Variants in FGF14 observed in about 807,000 individuals in gnomAD.
FGF14 encodes fibroblast growth factor homologous factor 4.
A neutral mutation model predicts 25.5 loss-of-function variants in FGF14; 5 were observed. That is an observed-to-expected ratio of 0.20 (90% confidence interval 0.10 to 0.41). FGF14 has a LOEUF of 0.41. Among genes scored for constraint, FGF14 ranks in the 10% least tolerant of loss-of-function variants. The pLI is 1.00. For synonymous variants in FGF14, 138 were observed against 118.3 expected, an observed-to-expected ratio of 1.17 and a Z score of -1.08; for missense variants, 222 against 320.1, an observed-to-expected ratio of 0.69 and a Z score of 2.34.
chr13:101,745,988 G>T (rs2036863572), intron 3 of FGF14, among the ~76,000 whole-genome samples: 3 of 152,026 alleles, frequency 2.0e-5, no homozygotes, highest in Non-Finnish European at 4.4e-5. Flanking sequence ...GTGATAGAAA[G>T]AAAGAACAGA....
Position 101,916,663 on chromosome 13 carries a change from G to A in FGF14, c.-18C>T, listed in dbSNP as rs777084679. On this transcript the variant is annotated 5_prime_UTR_variant, in exon 1 of 5. Transcript: ENST00000376143. ...GCGGCCATGGTGGCCCCGGGAACGG[G>A]TCCGGGGAGGGAGGGCGCGGGAGGA... is the stretch of plus-strand genomic sequence containing the variant. The A allele has an allele frequency of 2.6e-6, 4 of 1,516,328 alleles. No individual in the cohort carries two copies. In the South Asian group the frequency reaches 5.1e-5, roughly 19 times the overall value. The allele number at this position is 1,516,328 out of a possible 1,614,324, so 93.9% of individuals were successfully genotyped here. A position where few individuals can be genotyped will look rare whatever the true frequency, so the allele number is the denominator to read the frequency against.
chr13:102,365,060 T>C lies in FGF14; in HGVS notation c.208+36411A>G, dbSNP rs192969709. Among the ~76,000 whole-genome samples, 326 of 152,294 alleles carry C rather than the reference T, an allele frequency of 2.1e-3. 1 individual carries two copies. The highest frequency in any genetic ancestry group is 3.8e-3 in the Non-Finnish European group (256 of 68,020). The stretch of plus-strand genomic sequence containing the variant: ...TCTTTACACCACTAGGTTTCTCCAT[T>C]GTGGGAATGTAATTTTCCATGATCT... On this transcript the variant is annotated intron_variant, in intron 1 of 4. Coordinates refer to the FGF14 transcript ENST00000376131.
chr13:101,720,730 T>TAA lies in FGF14; in HGVS notation c.*2099_*2100dup, dbSNP rs2034919764. 6.7e-6 allele frequency: 1 copy of TAA among 149,806 alleles called. No homozygotes were observed. The allele number at this position is 149,806 out of a possible 1,614,324, so 9.3% of individuals were successfully genotyped here. A position where few individuals can be genotyped will look rare whatever the true frequency, so the allele number is the denominator to read the frequency against. The stretch of plus-strand genomic sequence containing the variant: ...TTAATGGAAGTTATCTAATATATTT[T>TAA]AACTGTTCCTGTTAAAAACAATAGG... On this transcript the variant is annotated 3_prime_UTR_variant, in exon 5 of 5. Transcript: ENST00000376143.
intron 1 of FGF14, among the ~76,000 whole-genome samples, chr13:101,930,523 C>A (rs2034679941): frequency 6.6e-6 from 1 of 152,182 alleles, no homozygotes; most frequent in African/African-American, 2.4e-5. Context: ...TGTGGTTACA[C>A]AATCATTCAG....
intron 1 of FGF14, chr13:102,373,565 T>C (rs2057949231): frequency 6.6e-6 from 1 of 152,140 alleles, no homozygotes; most frequent in East Asian, 1.9e-4. Flanking sequence ...TGGAAGTCAT[T>C]CAAAAGTGCT....
At chr13:101,827,212 A>T (rs181535333) in intron 3 of FGF14, among the ~76,000 whole-genome samples, 1 of 152,140 alleles carries the variant, frequency 6.6e-6, no homozygotes, top group Admixed American at 6.5e-5. Context: ...GATTTTGTAT[A>T]GCACTAGAAA....
chr13:101,817,554 T>G (rs755834082), intron 3 of FGF14, among the ~76,000 whole-genome samples: 2 of 152,220 alleles, frequency 1.3e-5, no homozygotes. Context: ...TGCTATTACT[T>G]GGTTTTGCAA....
chr13:101,761,325 A>T (rs4772412), intron 3 of FGF14, among the ~76,000 whole-genome samples: 59,280 of 151,704 alleles, frequency 0.39, 11,919 homozygotes, highest in East Asian at 0.66. Context: ...ACACACATAG[A>T]TAGAGATTTT....
At chr13:101,793,475 T>C (rs1225933896) in intron 3 of FGF14, among the ~76,000 whole-genome samples, 3 of 152,142 alleles carry the variant, frequency 2.0e-5, no homozygotes, top group East Asian at 1.9e-4. Flanking sequence ...TATCTATTTA[T>C]GTGTTGATGG....
At chr13:102,191,053 AGTT>A (rs979469505) in intron 1 of FGF14, among the ~76,000 whole-genome samples, 10 of 152,168 alleles carry the variant, frequency 6.6e-5, no homozygotes, top group Admixed American at 6.5e-4. Flanking sequence ...TGCCCTTACC[AGTT>A]GTTATTATTT....
At chr13:101,763,010 G>A (rs1404655743) in intron 3 of FGF14, among the ~76,000 whole-genome samples, 6 of 152,084 alleles carry the variant, frequency 3.9e-5, no homozygotes, top group Non-Finnish European at 7.4e-5. Context: ...AAGGTCAGAC[G>A]CCATCTTTCA....
At chr13:101,803,393 G>A (rs1182324534) in intron 3 of FGF14, among the ~76,000 whole-genome samples, 1 of 152,252 alleles carries the variant, frequency 6.6e-6, no homozygotes, top group South Asian at 2.1e-4. Flanking sequence ...GCCTCCCAAA[G>A]TGCTGGGATT....
At chr13:102,092,396 C>T (rs1421159590) in intron 1 of FGF14, among the ~76,000 whole-genome samples, 1 of 152,164 alleles carries the variant, frequency 6.6e-6, no homozygotes, top group East Asian at 1.9e-4. Context: ...GTGCCCACAT[C>T]ATGTCTTAGA....
At chr13:101,926,309 C>T (rs1374857095) in intron 1 of FGF14, among the ~76,000 whole-genome samples, 4 of 152,230 alleles carry the variant, frequency 2.6e-5, no homozygotes, top group Admixed American at 6.5e-5. Flanking sequence ...AATGAGAGTC[C>T]GGTTTCCTAC....
At chr13:102,091,312 A>G (rs2140244377) in intron 1 of FGF14, among the ~76,000 whole-genome samples, 1 of 152,164 alleles carries the variant, frequency 6.6e-6, no homozygotes, top group Admixed American at 6.5e-5. Context: ...GCTTGCCAAG[A>G]TTCTCTCTGT....
At chr13:101,913,357 T>C (rs2033148460) in intron 1 of FGF14, among the ~76,000 whole-genome samples, 1 of 152,126 alleles carries the variant, frequency 6.6e-6, no homozygotes, top group South Asian at 2.1e-4. Flanking sequence ...ATCTTGCAAA[T>C]TTCTGTCCTT....
At chr13:101,728,296 G>C (rs1373296497) in intron 3 of FGF14, among the ~76,000 whole-genome samples, 1 of 152,116 alleles carries the variant, frequency 6.6e-6, no homozygotes, top group Admixed American at 6.6e-5. Flanking sequence ...ATAGCCAAAT[G>C]ACAGGTTTAG....
intron 1 of FGF14, among the ~76,000 whole-genome samples, chr13:102,020,309 G>A (rs888988562): frequency 2.0e-5 from 3 of 152,162 alleles, no homozygotes; most frequent in Non-Finnish European, 4.4e-5. Flanking sequence ...AGCACTTTGG[G>A]AGGCTGAGGC....
intron 1 of FGF14, among the ~76,000 whole-genome samples, chr13:101,954,497 T>C (rs1020844768): frequency 1.1e-4 from 16 of 152,358 alleles, no homozygotes; most frequent in African/African-American, 2.6e-4. Flanking sequence ...ATGGTCAGTA[T>C]TGAGAACATT....
Sources: allele counts gnomAD v4.1 joint callset (sites outside exome capture counted in the v4.1 genomes callset), GRCh38; gene constraint gnomAD v4.1.1; transcripts MANE v1.5; gene names NCBI Gene and HGNC (gene_info 2026-07-23, HGNC 2026-07-21).